Variants in DOCK3 observed in about 807,000 individuals in gnomAD.
The protein encoded by DOCK3 is dedicator of cytokinesis 3.
DOCK3 carries 60 observed loss-of-function variants against 265.6 expected under a neutral mutation model. The ratio of observed to expected loss-of-function variants is 0.23; its 90% CI spans 0.18 to 0.28. The LOEUF is 0.28. DOCK3 is among the 10% of genes least tolerant of loss of function. The pLI is 1.00. For missense variants in DOCK3, 1,981 were observed against 2,594.3 expected, an observed-to-expected ratio of 0.76 and a Z score of 5.14; for synonymous variants, 881 against 938.0, an observed-to-expected ratio of 0.94 and a Z score of 1.11.
chr3:50,927,003 T>A (rs546761397), intron 4 of DOCK3, among the ~76,000 whole-genome samples: 1 of 152,322 alleles, frequency 6.6e-6, no homozygotes, highest in Admixed American at 6.5e-5. Context: ...AGAGCAAACA[T>A]TGAAGTTCTT....
intron 1 of DOCK3, among the ~76,000 whole-genome samples, chr3:50,747,900 T>C (rs918097512): frequency 6.6e-6 from 1 of 152,060 alleles, no homozygotes; most frequent in Non-Finnish European, 1.5e-5. Flanking sequence ...TTTAAAAATA[T>C]TTTGTTTTCT....
At chr3:51,206,571 A>G (rs548317640) in intron 12 of DOCK3, among the ~76,000 whole-genome samples, 66 of 152,262 alleles carry the variant, frequency 4.3e-4, no homozygotes, top group African/African-American at 9.9e-4. Flanking sequence ...TTAAAAAAAA[A>G]AGAGAGAGAC....
chr3:50,942,372 CAAT>C lies in DOCK3; in HGVS notation c.315+8299_315+8301del, dbSNP rs1407224853. 3.3e-5 allele frequency among the ~76,000 whole-genome samples: 5 copies of C among 151,936 alleles called. No homozygotes were observed. In the East Asian group the frequency reaches 7.7e-4, roughly 23 times the overall value. On this transcript the variant is annotated intron_variant, in intron 5 of 52. Transcript: ENST00000266037. Reference sequence around the variant, plus strand: ...AACTAAAATATTTTACTAATAAAAACAATAATGGTTTTAGACATTTTTAGCATC... The same window carrying C: ...AACTAAAATATTTTACTAATAAAAACAATGGTTTTAGACATTTTTAGCATC...
intron 1 of DOCK3, among the ~76,000 whole-genome samples, chr3:50,738,717 T>G (rs1576292914): frequency 6.6e-6 from 1 of 152,326 alleles, no homozygotes; most frequent in East Asian, 1.9e-4. Flanking sequence ...TATGGTGAGG[T>G]ACTATTCCCA....
At chr3:50,851,207 A>C (rs1299519777) in intron 3 of DOCK3, among the ~76,000 whole-genome samples, 1 of 152,136 alleles carries the variant, frequency 6.6e-6, no homozygotes, top group East Asian at 1.9e-4. Context: ...AGTACTCTAA[A>C]TGCCTGGAGA....
At chr3:51,165,843 T>A (rs1160149217) in intron 12 of DOCK3, among the ~76,000 whole-genome samples, 1 of 151,952 alleles carries the variant, frequency 6.6e-6, no homozygotes, top group East Asian at 1.9e-4. Context: ...TCTATACCAT[T>A]ATTTATTATA....
At chr3:50,690,106 G>A (rs1319624739) in intron 1 of DOCK3, among the ~76,000 whole-genome samples, 4 of 150,752 alleles carry the variant, frequency 2.7e-5, no homozygotes, top group African/African-American at 7.3e-5. Context: ...GTGGCAAAAC[G>A]TACGTAACAT....
chr3:50,704,029 T>C (rs1414521871), intron 1 of DOCK3, among the ~76,000 whole-genome samples: 1 of 152,200 alleles, frequency 6.6e-6, no homozygotes, highest in South Asian at 2.1e-4. Flanking sequence ...AATTTCTTTA[T>C]TGACCCAGTG....
At chr3:50,772,438 C>A (rs186390140) in intron 1 of DOCK3, among the ~76,000 whole-genome samples, 1 of 152,192 alleles carries the variant, frequency 6.6e-6, no homozygotes, top group Admixed American at 6.5e-5. Flanking sequence ...TTTAAAATTA[C>A]TTAAAGAGTG....
At chr3:51,252,927 C>G (rs554882422) in intron 22 of DOCK3, among the ~76,000 whole-genome samples, 2 of 152,206 alleles carry the variant, frequency 1.3e-5, no homozygotes, top group Admixed American at 1.3e-4. Context: ...GAGAGGGCAT[C>G]CCTGTCTTGT....
At chr3:50,830,030 T>A (rs2107088559) in intron 2 of DOCK3, among the ~76,000 whole-genome samples, 1 of 152,314 alleles carries the variant, frequency 6.6e-6, no homozygotes, top group Non-Finnish European at 1.5e-5. Context: ...AAGAGGATTT[T>A]GAATGTAGAC....
chr3:51,206,453 A>G (rs953855697), intron 12 of DOCK3, among the ~76,000 whole-genome samples: 1 of 152,190 alleles, frequency 6.6e-6, no homozygotes, highest in African/African-American at 2.4e-5. Flanking sequence ...AATTCAGTGA[A>G]GACCCAAAAG....
intron 1 of DOCK3, among the ~76,000 whole-genome samples, chr3:50,695,933 G>A (rs1198720623): frequency 6.6e-6 from 1 of 152,170 alleles, no homozygotes; most frequent in Non-Finnish European, 1.5e-5. Context: ...GAGGATTTAT[G>A]GACAGAAAAA....
Position 51,260,161 on chromosome 3 carries a change from G to A in DOCK3, c.2190G>A (p.Leu730=). Residue 730 remains leucine (L), a synonymous_variant, in exon 23 of 53, where the codon TTG becomes TTA. Transcript: ENST00000266037. ...TTTTCTCCCACACTTTTCAGGCCTT[G>A]GAGTACCTTTTCAAGTTCATTGTAC... ...QDHIQEAMRA[L]EYLFKFIVQS... The A allele has an allele frequency of 6.2e-7, 1 of 1,612,646 alleles. No homozygotes were observed. Among genetic ancestry groups the A allele is most frequent in the Non-Finnish European group, 8.5e-7 (1 of 1,179,296 alleles).
chr3:50,838,293 AT>A (rs746165373), intron 2 of DOCK3, among the ~76,000 whole-genome samples: 44 of 152,302 alleles, frequency 2.9e-4, no homozygotes, highest in Admixed American at 1.8e-3. Flanking sequence ...ATTCAGTTAT[AT>A]TTTTCTGACT....
chr3:50,858,422 T>TATAATAATAATAATAATAATAATA (rs149503894), intron 3 of DOCK3, among the ~76,000 whole-genome samples: 2 of 124,068 alleles, frequency 1.6e-5, no homozygotes, highest in African/African-American at 2.7e-5. Flanking sequence ...TAACTTAAAA[T>TATAATAATAATAATAATAATAATA]ATAATAATAA....
At chr3:50,889,066 G>GGGGGGT (rs869046567) in intron 3 of DOCK3, among the ~76,000 whole-genome samples, 5 of 134,192 alleles carry the variant, frequency 3.7e-5, no homozygotes, top group African/African-American at 1.4e-4. Flanking sequence ...TTAAGCCATG[G>GGGGGGT]GTGTGTGTGT....
intron 6 of DOCK3, 54 bp downstream of exon 6, chr3:51,064,650 C>A (rs528245015): frequency 8.2e-6 from 13 of 1,592,780 alleles, no homozygotes; most frequent in Non-Finnish European, 1.1e-5. Flanking sequence ...ATAACTCAGT[C>A]TTCAGGGAGT....
intron 27 of DOCK3, among the ~76,000 whole-genome samples, chr3:51,298,351 T>C (rs896680891): frequency 1.3e-5 from 2 of 152,242 alleles, no homozygotes; most frequent in Non-Finnish European, 2.9e-5. Context: ...TCTTGGTCAA[T>C]GCAGCTAAAA....
Sources: allele counts gnomAD v4.1 joint callset (sites outside exome capture counted in the v4.1 genomes callset), GRCh38; gene constraint gnomAD v4.1.1; transcripts MANE v1.5; gene names NCBI Gene and HGNC (gene_info 2026-07-23, HGNC 2026-07-21).